Variants in ANO4 observed in about 807,000 individuals in gnomAD.
ANO4 encodes the protein anoctamin-4.
ANO4 carries 69 observed loss-of-function variants against 141.9 expected under a neutral mutation model. The ratio of observed to expected loss-of-function variants is 0.49; its 90% CI spans 0.40 to 0.59. The LOEUF is 0.59. Among genes scored for constraint, ANO4 ranks in the 20% least tolerant of loss-of-function variants. ANO4 has a pLI of 0.00. For missense variants in ANO4, 894 were observed against 1,162.2 expected (o/e 0.77, Z 3.36); for synonymous variants, 350 against 394.3 (o/e 0.89, Z 1.33).
intron 2 of ANO4, among the ~76,000 whole-genome samples, chr12:100,907,561 A>C (rs2040902621): frequency 6.6e-6 from 1 of 152,188 alleles, no homozygotes; most frequent in Non-Finnish European, 1.5e-5. Flanking sequence ...GTCACTCCTA[A>C]CATCATGCGT....
intron 25 of ANO4, among the ~76,000 whole-genome samples, chr12:101,118,486 T>C (rs964653841): frequency 6.6e-6 from 1 of 152,160 alleles, no homozygotes; most frequent in African/African-American, 2.4e-5. Flanking sequence ...AAAATAATAT[T>C]TTCAGGTTTG....
intron 1 of ANO4, among the ~76,000 whole-genome samples, chr12:100,730,981 A>C (rs537137106): frequency 6.6e-6 from 1 of 152,102 alleles, no homozygotes; most frequent in African/African-American, 2.4e-5. Flanking sequence ...CCTATAGAAA[A>C]CCCCTTAAAG....
At chr12:100,868,457 C>G (rs2038871463) in intron 1 of ANO4, among the ~76,000 whole-genome samples, 1 of 152,104 alleles carries the variant, frequency 6.6e-6, no homozygotes, top group Non-Finnish European at 1.5e-5. Flanking sequence ...ACCACAGATC[C>G]CTGTGGAATA....
chr12:101,112,044 C>T (rs1008594250), intron 24 of ANO4, among the ~76,000 whole-genome samples: 7 of 152,018 alleles, frequency 4.6e-5, no homozygotes, highest in African/African-American at 1.7e-4. Context: ...AATGTGTATA[C>T]CAAAACAGTA....
chr12:101,116,779 ACTC>A lies in ANO4; in HGVS notation c.2555_2557del (p.Pro852del). The A allele has an allele frequency of 2.5e-6, 4 of 1,613,532 alleles. No homozygotes were observed. Among genetic ancestry groups the A allele is most frequent in the Non-Finnish European group, 3.4e-6 (4 of 1,179,840 alleles). On this transcript the variant is annotated inframe_deletion, in exon 25 of 28. Transcript: ENST00000392977. ...ATCTGATGGCAGTGAGTTCTCGGGG[ACTC>A]CTCTTAAGTACTGCAGGTGAGTGTG...
intron 1 of ANO4, among the ~76,000 whole-genome samples, chr12:100,844,673 G>A (rs2037464512): frequency 6.6e-6 from 1 of 152,090 alleles, no homozygotes; most frequent in Non-Finnish European, 1.5e-5. Flanking sequence ...GAAAGGTAGA[G>A]GAGCTGGCTT....
intron 3 of ANO4, among the ~76,000 whole-genome samples, chr12:100,780,525 C>T (rs943200017): frequency 1.3e-5 from 2 of 152,192 alleles, no homozygotes; most frequent in African/African-American, 2.4e-5. Context: ...TATAAGGTAA[C>T]TTCTGGGTCA....
intron 3 of ANO4, among the ~76,000 whole-genome samples, chr12:100,757,355 G>A (rs904367840): frequency 6.6e-6 from 1 of 152,054 alleles, no homozygotes; most frequent in African/African-American, 2.4e-5. Flanking sequence ...GCGCAAATCT[G>A]GTATGTCACT....
intron 9 of ANO4, among the ~76,000 whole-genome samples, chr12:101,036,285 A>G (rs1002924493): frequency 4.6e-5 from 7 of 152,314 alleles, no homozygotes; most frequent in South Asian, 4.1e-4. Context: ...GAAAAACAAT[A>G]TAGAGGTTCT....
intron 9 of ANO4, among the ~76,000 whole-genome samples, chr12:101,026,049 C>G (rs1273540038): frequency 6.6e-6 from 1 of 152,086 alleles, no homozygotes; most frequent in Non-Finnish European, 1.5e-5. Flanking sequence ...CACTTGTATT[C>G]ATTTTACTAT....
At chr12:101,075,316 G>T (rs960605772) in intron 14 of ANO4, among the ~76,000 whole-genome samples, 1 of 152,190 alleles carries the variant, frequency 6.6e-6, no homozygotes, top group African/African-American at 2.4e-5. Flanking sequence ...GCTTTGCATC[G>T]TGAGCTGCTA....
At chr12:101,069,005 C>A in intron 14 of ANO4, 1 of 790,892 alleles carries the variant, frequency 1.3e-6, no homozygotes, top group Non-Finnish European at 2.3e-6. Flanking sequence ...CTGGATAAGG[C>A]CCAGTTTAAA....
chr12:101,066,689 G>T, intron 14 of ANO4: 1 of 674,308 alleles, frequency 1.5e-6, no homozygotes, highest in Non-Finnish European at 2.7e-6. Flanking sequence ...CCTCCTCCTG[G>T]AGCACAGCAA....
At chr12:101,077,078 T>G (rs936026449) in intron 14 of ANO4, among the ~76,000 whole-genome samples, 4 of 152,306 alleles carry the variant, frequency 2.6e-5, no homozygotes, top group South Asian at 2.1e-4. Context: ...GTGCCAACAA[T>G]ACAATTTATG....
rs367676037 is a variant in ANO4 at position 101,020,058 on chromosome 12, G to A, written c.759G>A (p.Thr253=). ...GCTTCATCATACACAACAAAGAAAC[G>A]TTCTTCAACAATGCCACAAGAAGTA... The part of the protein sequence containing the change: ...IHHFIIHNKE[T]FFNNATRSRI... The change falls in exon 9 of 28, where the codon ACG becomes ACA. Residue 253 remains threonine, a synonymous_variant. Coordinates refer to ENST00000392977, the MANE Select transcript of ANO4 (RefSeq NM_001286615.2). The A allele has an allele frequency of 2.4e-5, 39 of 1,613,082 alleles. No homozygotes were observed. The highest frequency in any genetic ancestry group is 3.3e-5 in the South Asian group (3 of 90,994).
At chr12:101,013,619 A>G (rs1031129111) in intron 8 of ANO4, among the ~76,000 whole-genome samples, 2 of 152,212 alleles carry the variant, frequency 1.3e-5, no homozygotes, top group Admixed American at 6.5e-5. Flanking sequence ...TGCTGTTCAT[A>G]TAGTATCCAC....
chr12:100,889,892 A>T (rs2040020616), intron 1 of ANO4, among the ~76,000 whole-genome samples: 1 of 152,186 alleles, frequency 6.6e-6, no homozygotes, highest in South Asian at 2.1e-4. Context: ...TGGAAGAATA[A>T]ATTAATTTGA....
chr12:100,769,986 C>T (rs533829628), intron 3 of ANO4, among the ~76,000 whole-genome samples: 6 of 152,188 alleles, frequency 3.9e-5, no homozygotes, highest in Admixed American at 3.9e-4. Context: ...TGTATTGATT[C>T]CAAGTAATTC....
chr12:100,982,288 A>T (rs894414291), intron 7 of ANO4, among the ~76,000 whole-genome samples: 1 of 152,184 alleles, frequency 6.6e-6, no homozygotes, highest in South Asian at 2.1e-4. Context: ...CATTAAGCCA[A>T]TGTTTTCTCT....
Sources: allele counts gnomAD v4.1 joint callset (sites outside exome capture counted in the v4.1 genomes callset), GRCh38; gene constraint gnomAD v4.1.1; transcripts MANE v1.5; gene names NCBI Gene and HGNC (gene_info 2026-07-23, HGNC 2026-07-21).